CANX: variants seen among roughly 807,000 people sequenced by gnomAD.
The protein encoded by CANX is calnexin.
In CANX, 14 loss-of-function variants were observed where a neutral mutation model predicts 75.7. The ratio of observed to expected loss-of-function variants is 0.19; its 90% CI spans 0.12 to 0.29. The LOEUF is 0.29. Ranked by LOEUF, CANX falls within the 10% of genes least tolerant of loss-of-function variation. CANX has a pLI of 1.00. For missense variants in CANX, 567 were observed against 713.2 expected (o/e 0.79, Z 2.34); for synonymous variants, 227 against 236.9 (o/e 0.96, Z 0.38).
Position 179,730,898 on chromosome 5 carries a change from G to A in CANX, c.*2254G>A, listed in dbSNP as rs1778951557. 6.6e-6 allele frequency: 1 copy of A among 152,194 alleles called. No individual in the cohort carries two copies. Among genetic ancestry groups the A allele is most frequent in the Non-Finnish European group, 1.5e-5 (1 of 68,040 alleles). The allele number at this position is 152,194 out of a possible 1,614,324, so 9.4% of individuals were successfully genotyped here. On this transcript the variant is annotated 3_prime_UTR_variant, in exon 15 of 15. Transcript: ENST00000247461. ...TCAATTTGTCATGTTACTAAATGGT[G>A]TTACATTAAAGCCCTGTGTTAAGTG...
intron 1 of CANX, among the ~76,000 whole-genome samples, chr5:179,682,609 C>T (rs747783654): frequency 6.7e-6 from 1 of 149,554 alleles, no homozygotes; most frequent in Admixed American, 6.8e-5. Flanking sequence ...ACTTGGGAGG[C>T]TGAGGCAGGA....
chr5:179,690,238 C>A (rs1776275649), intron 1 of CANX, among the ~76,000 whole-genome samples: 2 of 152,138 alleles, frequency 1.3e-5, no homozygotes, highest in South Asian at 4.1e-4. Context: ...TGACATTTGC[C>A]CTTCCCTGAA....
intron 2 of CANX, among the ~76,000 whole-genome samples, 182 bp downstream of exon 2, chr5:179,706,034 A>C (rs548563670): frequency 2.0e-5 from 3 of 152,294 alleles, no homozygotes; most frequent in Admixed American, 2.0e-4. Context: ...AACATGGTGA[A>C]GATAAATTTG....
At chr5:179,700,437 C>T (rs542422702) in intron 1 of CANX, 1 of 152,248 alleles carries the variant, frequency 6.6e-6, no homozygotes, top group South Asian at 2.1e-4. Context: ...CCATATGGAT[C>T]AACTGTTGTA....
intron 1 of CANX, among the ~76,000 whole-genome samples, chr5:179,703,274 G>A (rs559151119): frequency 7.9e-4 from 118 of 150,300 alleles, no homozygotes; most frequent in Non-Finnish European, 1.5e-3. Context: ...CTGGAGTGCA[G>A]TGGCGCCATC....
chr5:179,699,897 G>C (rs1581834723), intron 1 of CANX: 2 of 152,304 alleles, frequency 1.3e-5, no homozygotes, highest in South Asian at 4.1e-4. Context: ...GTCATTGGTT[G>C]CTCTGTGAAC....
upstream of CANX, chr5:179,698,807 G>GT (rs1453235838): frequency 1.5e-6 from 1 of 678,650 alleles, no homozygotes; most frequent in Non-Finnish European, 2.1e-6. Context: ...AAGAATAGCC[G>GT]TAGGGGGCGT....
upstream of CANX, chr5:179,698,648 C>T: frequency 2.5e-6 from 3 of 1,203,348 alleles, no homozygotes; most frequent in Non-Finnish European, 3.3e-6. Context: ...GAAGGCACCA[C>T]AGCAACCGAC....
rs1778943687 is a variant in CANX, at chr5:179,730,786, C to T, written c.*2142C>T. On this transcript the variant is annotated 3_prime_UTR_variant, in exon 15 of 15. Coordinates refer to ENST00000247461, the MANE Select transcript of CANX (RefSeq NM_001746.4). ...GACACTTATATTTTGATTTTACATG[C>T]TGGTTACCTGTTCCATTGTTGTCAA... 1 of 152,244 alleles carries T rather than the reference C, an allele frequency of 6.6e-6. No individual in the cohort carries two copies. The highest frequency in any genetic ancestry group is 1.5e-5 in the Non-Finnish European group (1 of 68,050). 9.4% of individuals were successfully genotyped at this position (152,244 alleles called of 1,614,324 possible). A position where few individuals can be genotyped will look rare whatever the true frequency, so the allele number is the denominator to read the frequency against.
chr5:179,715,040 C>T (rs1777838189), intron 7 of CANX, among the ~76,000 whole-genome samples: 1 of 152,184 alleles, frequency 6.6e-6, no homozygotes, highest in Non-Finnish European at 1.5e-5. Context: ...GCTGGGATTA[C>T]AGGCATGAGC....
At chr5:179,716,787 A>C (rs1347849974) in intron 8 of CANX, among the ~76,000 whole-genome samples, 2 of 152,188 alleles carry the variant, frequency 1.3e-5, no homozygotes, top group African/African-American at 4.8e-5. Context: ...TGGTATCGTA[A>C]GGGTTCATGA....
At chr5:179,712,824 A>G (rs573821743) in intron 7 of CANX, among the ~76,000 whole-genome samples, 2 of 151,734 alleles carry the variant, frequency 1.3e-5, no homozygotes, top group African/African-American at 4.8e-5. Flanking sequence ...CCCGGGTTCA[A>G]GCGATTCTCT....
intron 13 of CANX, 39 bp downstream of exon 13, chr5:179,724,822 AC>A (rs747846240): frequency 6.4e-7 from 1 of 1,571,452 alleles, no homozygotes; most frequent in South Asian, 1.1e-5. Flanking sequence ...TTAAGCCAAG[AC>A]CCTACGATGT....
rs146346683 is a variant in CANX, at chr5:179,683,815, T to C, written c.-4+5038T>C. Among the ~76,000 whole-genome samples, 53 of 152,312 alleles carry C rather than the reference T, an allele frequency of 3.5e-4. No individual in the cohort carries two copies. The East Asian group carries it at 8.1e-3, about 23-fold the overall frequency. Reference sequence around the variant, plus strand: ...TCCCAAACTGCTGGAATTACAGGTGTGAGCCACCGCGCCCAGCCTCAGTAT... The same window carrying C: ...TCCCAAACTGCTGGAATTACAGGTGCGAGCCACCGCGCCCAGCCTCAGTAT... On this transcript the variant is annotated intron_variant, in intron 1 of 14. Coordinates refer to the CANX transcript ENST00000681674.
chr5:179,707,008 T>C (rs1219271189), intron 3 of CANX, 124 bp from the exon 4 acceptor site: 6 of 649,742 alleles, frequency 9.2e-6, no homozygotes, highest in Middle Eastern at 3.5e-4. Context: ...GATTTAAAGG[T>C]TGGAAGTAGA....
At chr5:179,702,491 A>G (rs7715356) in intron 1 of CANX, among the ~76,000 whole-genome samples, 43,049 of 151,590 alleles carry the variant, frequency 0.28, 6,437 homozygotes, top group Non-Finnish European at 0.34. Context: ...TTGTCTTCAA[A>G]GTTCATCCAT....
At chr5:179,694,681 A>T, upstream of CANX, 1 of 733,860 alleles carries the variant, frequency 1.4e-6, no homozygotes, top group South Asian at 1.4e-5. Context: ...GGGAAGTTTG[A>T]TGGCTCAAAG....
intron 1 of CANX, among the ~76,000 whole-genome samples, chr5:179,691,820 C>T (rs1776303204): frequency 6.6e-6 from 1 of 152,154 alleles, no homozygotes. Flanking sequence ...CTCTGTCGCC[C>T]AGGCTGGAGT....
chr5:179,713,917 T>C (rs1039450983), intron 7 of CANX, among the ~76,000 whole-genome samples: 1 of 152,200 alleles, frequency 6.6e-6, no homozygotes, highest in African/African-American at 2.4e-5. Context: ...TCTGTCTCTA[T>C]AAAATAGAAA....
Sources: allele counts gnomAD v4.1 joint callset (sites outside exome capture counted in the v4.1 genomes callset), GRCh38; gene constraint gnomAD v4.1.1; transcripts MANE v1.5; gene names NCBI Gene and HGNC (gene_info 2026-07-23, HGNC 2026-07-21).